The following SPIDR variants were observed in gnomAD, a reference collection of about 807,000 sequenced individuals.
The protein encoded by SPIDR is DNA repair-scaffolding protein.
In SPIDR, 93 loss-of-function variants were observed where a neutral mutation model predicts 104.6. The observed-to-expected ratio is 0.89, with a 90% CI of 0.75 to 1.06. The LOEUF (loss-of-function observed/expected upper bound fraction) is 1.06. SPIDR is among the 50% of genes least tolerant of loss of function. The probability of loss-of-function intolerance (pLI) is 0.00; values close to 1 mark genes in which losing one functional copy is unlikely to be tolerated. For synonymous variants in SPIDR, 431 were observed against 416.9 expected (o/e 1.03, Z -0.41); for missense variants, 1,154 against 1,111.2 (o/e 1.04, Z -0.55).
At chr8:47,544,711 TCA>T (rs1416414569) in intron 8 of SPIDR, among the ~76,000 whole-genome samples, 1 of 152,234 alleles carries the variant, frequency 6.6e-6, no homozygotes, top group East Asian at 1.9e-4. Context: ...CTTTGTACCA[TCA>T]CACAGTCATG....
chr8:47,364,531 A>G (rs2056817429), intron 5 of SPIDR, among the ~76,000 whole-genome samples: 4 of 152,162 alleles, frequency 2.6e-5, no homozygotes, highest in Non-Finnish European at 5.9e-5. Flanking sequence ...TCATTCCACT[A>G]GTTGGTTCGG....
intron 8 of SPIDR, chr8:47,592,108 CAGG>C (rs2061092776): frequency 3.0e-6 from 4 of 1,350,166 alleles, no homozygotes; most frequent in Middle Eastern, 1.9e-4. Flanking sequence ...CTTGGCAGAA[CAGG>C]AGAAGTGATG....
intron 6 of SPIDR, 36 bp downstream of exon 6, chr8:47,396,662 T>A: frequency 5.8e-6 from 9 of 1,546,646 alleles, no homozygotes; most frequent in Non-Finnish European, 7.8e-6. Context: ...CTTTTTAAAT[T>A]TTTCTCTTTC....
At chr8:47,706,792 T>C (rs1176566977) in intron 14 of SPIDR, among the ~76,000 whole-genome samples, 3 of 152,188 alleles carry the variant, frequency 2.0e-5, no homozygotes, top group Non-Finnish European at 4.4e-5. Flanking sequence ...TAGAAATGTA[T>C]TCTCTCACAC....
At chr8:47,491,643 C>G (rs1352468337) in intron 8 of SPIDR, among the ~76,000 whole-genome samples, 1 of 152,096 alleles carries the variant, frequency 6.6e-6, no homozygotes, top group Admixed American at 6.6e-5. Flanking sequence ...GGCAGCTGTT[C>G]AGAGTTGCTG....
intron 1 of SPIDR, among the ~76,000 whole-genome samples, chr8:47,278,098 T>C (rs932033644): frequency 1.9e-4 from 28 of 148,134 alleles, no homozygotes; most frequent in East Asian, 1.6e-3. Context: ...TTCTTTCTCT[T>C]TTTTTTTTTT....
rs374931492 is a variant in SPIDR, at chr8:47,407,710, C to T, written c.777-151C>T. 2.7e-3 allele frequency: 1,158 copies of T among 422,176 alleles called. 6 individuals carry two copies. The highest frequency in any genetic ancestry group is 0.021 in the Middle Eastern group (52 of 2,448). 26.2% of individuals were successfully genotyped at this position (422,176 alleles called of 1,614,324 possible). ...AAAAACTGACTTATGAGGATATGGC[C>T]TCTGGGAAGATAATGTGGTAACAAA... On this transcript the variant is annotated intron_variant, in intron 6 of 19. Coordinates refer to ENST00000297423, the MANE Select transcript of SPIDR (RefSeq NM_001080394.4).
At chr8:47,297,926 A>G (rs963814109) in intron 5 of SPIDR, among the ~76,000 whole-genome samples, 27 of 152,310 alleles carry the variant, frequency 1.8e-4, no homozygotes, top group Non-Finnish European at 3.4e-4. Context: ...GTACGTGGGC[A>G]TGTGTCTTCA....
chr8:47,375,233 CTTTTTTTTT>C (rs869038432), intron 5 of SPIDR, among the ~76,000 whole-genome samples: 4 of 53,346 alleles, frequency 7.5e-5, no homozygotes, highest in African/African-American at 1.3e-4. Flanking sequence ...AGTTAATAGG[CTTTTTTTTT>C]TTTTTTTTTT....
At chr8:47,524,347 C>T (rs1452323056) in intron 8 of SPIDR, among the ~76,000 whole-genome samples, 1 of 152,212 alleles carries the variant, frequency 6.6e-6, no homozygotes, top group Admixed American at 6.5e-5. Context: ...CGTCATTTCT[C>T]ATATACTCTC....
chr8:47,624,859 A>C (rs2154436880), intron 10 of SPIDR, among the ~76,000 whole-genome samples: 1 of 152,300 alleles, frequency 6.6e-6, no homozygotes, highest in East Asian at 1.9e-4. Flanking sequence ...TCAATAGAAA[A>C]AGAGGGAATC....
At chr8:47,397,198 A>G (rs549836511) in intron 6 of SPIDR, among the ~76,000 whole-genome samples, 93 of 152,220 alleles carry the variant, frequency 6.1e-4, no homozygotes, top group African/African-American at 2.1e-3. Flanking sequence ...CAAAGACTCA[A>G]TGAAGGTAAG....
intron 8 of SPIDR, among the ~76,000 whole-genome samples, chr8:47,588,174 T>G (rs999973187): frequency 6.8e-6 from 1 of 147,530 alleles, no homozygotes; most frequent in Admixed American, 6.8e-5. Flanking sequence ...TCCTTGATTT[T>G]GGCATCTTTA....
At chr8:47,547,145 G>T (rs544316633) in intron 8 of SPIDR, 7 of 600,032 alleles carry the variant, frequency 1.2e-5, no homozygotes, top group East Asian at 1.1e-4. Flanking sequence ...AGGGGATCAG[G>T]GTAGCAGATG....
At chr8:47,263,484 A>T (rs2033082844) in intron 1 of SPIDR, among the ~76,000 whole-genome samples, 2 of 151,880 alleles carry the variant, frequency 1.3e-5, no homozygotes, top group Non-Finnish European at 2.9e-5. Flanking sequence ...CACCGGGCTA[A>T]TTTTTTTTAA....
intron 5 of SPIDR, among the ~76,000 whole-genome samples, chr8:47,356,616 C>T (rs1306272740): frequency 6.6e-6 from 1 of 152,170 alleles, no homozygotes; most frequent in Non-Finnish European, 1.5e-5. Context: ...TGCTCATTAA[C>T]AAAGCTGAAG....
intron 6 of SPIDR, among the ~76,000 whole-genome samples, chr8:47,403,426 C>A (rs2062211980): frequency 1.3e-5 from 2 of 152,196 alleles, no homozygotes. Flanking sequence ...TCCCTGTTTG[C>A]AGATGACAGG....
intron 10 of SPIDR, among the ~76,000 whole-genome samples, chr8:47,643,992 A>G (rs1359775530): frequency 6.6e-6 from 1 of 152,180 alleles, no homozygotes; most frequent in Non-Finnish European, 1.5e-5. Flanking sequence ...AAACAGTATC[A>G]ACAGAGGCTT....
In SPIDR at chr8:47,593,363, T is replaced by C. The variant is rs183044084; in HGVS notation, c.1098-2448T>C. On this transcript the variant is annotated intron_variant, in intron 8 of 19. Transcript: ENST00000297423. ...CTGAAACTTCCATTTTTAAGAAATA[T>C]TTATTCTGTTTATTTGCTGAGACTA... 9.2e-5 allele frequency among the ~76,000 whole-genome samples: 14 copies of C among 152,336 alleles called. No homozygotes were observed. In the East Asian group the frequency reaches 2.5e-3, roughly 27 times the overall value.
Sources: gnomAD v4.1 joint callset for allele counts (sites outside exome capture counted in the v4.1 genomes callset) on GRCh38, gnomAD v4.1.1 for gene constraint, MANE v1.5 for transcripts, NCBI Gene and HGNC (gene_info 2026-07-23, HGNC 2026-07-21) for gene names.